CCDC102B: variants seen among roughly 807,000 people sequenced by gnomAD.
The protein encoded by CCDC102B is coiled-coil domain-containing protein 102B.
In CCDC102B, 75 loss-of-function variants were observed where a neutral mutation model predicts 57.4. That is an observed-to-expected ratio of 1.31 (90% CI 1.08 to 1.58). The LOEUF (loss-of-function observed/expected upper bound fraction) is 1.58, where lower values mean the gene tolerates loss of function less well. CCDC102B is among the 40% of genes most tolerant of loss of function. The probability of loss-of-function intolerance (pLI) is 0.00; values close to 1 mark genes in which losing one functional copy is unlikely to be tolerated. For missense variants in CCDC102B, 636 were observed against 582.6 expected, an observed-to-expected ratio of 1.09 and a Z score of -0.94; for synonymous variants, 206 against 201.9, an observed-to-expected ratio of 1.02 and a Z score of -0.17.
rs772772006 is a variant in CCDC102B at position 69,054,042 on chromosome 18, C to A, written c.1447C>A (p.Leu483Met). ...NQKEDELDDS[L>M]NQIRKLQRSL... Reference sequence around the variant, plus strand: ...ACTTCGCTTTCAGCTTGATGATTCCCTGAATCAGATCCGTAAGCTCCAGAG... The same window carrying A: ...ACTTCGCTTTCAGCTTGATGATTCCATGAATCAGATCCGTAAGCTCCAGAG... Residue 483 changes from leucine to methionine, a missense_variant, in exon 8 of 8, where the codon CTG (leucine) becomes ATG (methionine). Transcript: ENST00000360242. 2 of 1,602,584 alleles carry A rather than the reference C, an allele frequency of 1.2e-6. No homozygotes were observed. Among genetic ancestry groups the A allele is most frequent in the South Asian group, 2.2e-5 (2 of 89,218 alleles).
intron 6 of CCDC102B, among the ~76,000 whole-genome samples, chr18:68,973,613 G>A (rs1198070156): frequency 6.6e-6 from 1 of 152,056 alleles, no homozygotes; most frequent in Non-Finnish European, 1.5e-5. Context: ...TTAACAAGAG[G>A]TTGAATGCTA....
chr18:68,717,156 A>T (rs1020497671), intron 2 of CCDC102B, among the ~76,000 whole-genome samples: 11 of 151,812 alleles, frequency 7.2e-5, no homozygotes, highest in Admixed American at 5.9e-4. Flanking sequence ...AGGTGGGAGG[A>T]TAAGTTGGGC....
intron 7 of CCDC102B, among the ~76,000 whole-genome samples, chr18:69,052,904 G>A (rs2052744427): frequency 6.6e-6 from 1 of 151,638 alleles, no homozygotes; most frequent in African/African-American, 2.4e-5. Context: ...ACTGTATTAG[G>A]TATTATAAGT....
At position 69,011,361 on chromosome 18, in the gene CCDC102B, CAT is replaced by C. The variant is rs796824704; in HGVS notation, c.1434+258_1434+259del. ...CAGCATGACCTTGTGTGCACGTGCG[CAT>C]GTGTGTGTGTGTGTGTGTGTGTGTG... On this transcript the variant is annotated intron_variant, in intron 7 of 7. Coordinates refer to ENST00000360242, the MANE Select transcript of CCDC102B (RefSeq NM_024781.3). 27 of 305,770 alleles carry C rather than the reference CAT, an allele frequency of 8.8e-5. No homozygotes were observed. The South Asian group carries it at 2.4e-3, about 27-fold the overall frequency. The allele number at this position is 305,770 out of a possible 1,614,324, so 18.9% of individuals were successfully genotyped here. A position where few individuals can be genotyped will look rare whatever the true frequency, so the allele number is the denominator to read the frequency against.
intron 4 of CCDC102B, among the ~76,000 whole-genome samples, chr18:68,855,991 G>A (rs1261220074): frequency 6.6e-6 from 1 of 152,048 alleles, no homozygotes; most frequent in East Asian, 1.9e-4. Flanking sequence ...TCTCGTGTTT[G>A]GTAGAGAAGG....
chr18:68,815,028 AAGG>A (rs1260771803), intron 1 of CCDC102B, among the ~76,000 whole-genome samples: 1 of 152,190 alleles, frequency 6.6e-6, no homozygotes, highest in East Asian at 1.9e-4. Flanking sequence ...CTTGTAACAT[AAGG>A]AGTTCTTTAC....
intron 6 of CCDC102B, among the ~76,000 whole-genome samples, chr18:68,956,649 T>G (rs2049909047): frequency 7.6e-6 from 1 of 130,750 alleles, no homozygotes. Context: ...CATATAGCAG[T>G]GGGATTGCTG....
chr18:68,720,437 A>G (rs1238550205), intron 2 of CCDC102B, among the ~76,000 whole-genome samples: 1 of 152,218 alleles, frequency 6.6e-6, no homozygotes, highest in Admixed American at 6.5e-5. Context: ...AGTAATATAC[A>G]TATATGACTA....
intron 1 of CCDC102B, among the ~76,000 whole-genome samples, chr18:68,799,461 T>C (rs2035764914): frequency 6.6e-6 from 1 of 152,158 alleles, no homozygotes; most frequent in Admixed American, 6.6e-5. Flanking sequence ...AGGTAATTTA[T>C]GAATGTTTCA....
At chr18:68,911,417 G>A (rs1460883172) in intron 6 of CCDC102B, among the ~76,000 whole-genome samples, 1 of 152,072 alleles carries the variant, frequency 6.6e-6, no homozygotes, top group East Asian at 1.9e-4. Context: ...AAGAACAACA[G>A]ACACGGGGGT....
intron 6 of CCDC102B, among the ~76,000 whole-genome samples, chr18:68,930,260 A>G (rs977291086): frequency 1.3e-5 from 2 of 148,922 alleles, no homozygotes; most frequent in African/African-American, 4.9e-5. Context: ...AATTATATGC[A>G]TTATATATTA....
chr18:68,789,888 T>C (rs1365178548), intron 2 of CCDC102B, among the ~76,000 whole-genome samples: 1 of 152,076 alleles, frequency 6.6e-6, no homozygotes, highest in Non-Finnish European at 1.5e-5. Flanking sequence ...TGCGTTCCTT[T>C]GGAGGAGGAG....
chr18:68,826,439 G>C (rs946505640), intron 1 of CCDC102B, among the ~76,000 whole-genome samples: 6 of 152,144 alleles, frequency 3.9e-5, no homozygotes, highest in African/African-American at 1.2e-4. Flanking sequence ...CAAGAGAGAA[G>C]GCAATAAAAA....
At chr18:68,740,724 A>G (rs562333636) in intron 2 of CCDC102B, among the ~76,000 whole-genome samples, 60 of 152,318 alleles carry the variant, frequency 3.9e-4, no homozygotes, top group African/African-American at 1.4e-3. Context: ...CAACTGCCTC[A>G]AGCCTTTTCA....
Position 68,861,819 on chromosome 18 carries a change from A to G in CCDC102B, c.937-12850A>G, listed in dbSNP as rs144649436. Among the ~76,000 whole-genome samples the G allele has an allele frequency of 1.1e-3, 174 of 152,320 alleles. 1 individual carries two copies. The highest frequency in any genetic ancestry group is 4.1e-3 in the African/African-American group (171 of 41,558). On this transcript the variant is annotated intron_variant, in intron 4 of 7. Coordinates refer to ENST00000360242, the MANE Select transcript of CCDC102B (RefSeq NM_024781.3). The stretch of plus-strand genomic sequence containing the variant: ...TTGCTAGACATTTTATTTGAAGACT[A>G]TGACTAAGAAATAAAATTATTTGTT...
intron 2 of CCDC102B, among the ~76,000 whole-genome samples, chr18:68,741,380 T>G (rs2033373886): frequency 6.6e-6 from 1 of 152,084 alleles, no homozygotes; most frequent in South Asian, 2.1e-4. Context: ...AGCGACGGAT[T>G]ACATTTCCTC....
intron 6 of CCDC102B, among the ~76,000 whole-genome samples, chr18:68,957,967 G>A (rs760216317): frequency 3.9e-5 from 6 of 152,088 alleles, no homozygotes; most frequent in Admixed American, 6.6e-5. Context: ...ACCCAAGATG[G>A]GGCAATTTAC....
intron 7 of CCDC102B, among the ~76,000 whole-genome samples, chr18:69,020,829 G>A (rs2051812747): frequency 6.6e-6 from 1 of 152,056 alleles, no homozygotes; most frequent in African/African-American, 2.4e-5. Context: ...TTCTTATCAT[G>A]GTTTATATCT....
intron 6 of CCDC102B, among the ~76,000 whole-genome samples, chr18:68,957,462 A>T (rs1233604301): frequency 6.6e-6 from 1 of 150,718 alleles, no homozygotes; most frequent in Non-Finnish European, 1.5e-5. Flanking sequence ...AATTTGTTCC[A>T]TTGGTTTGTG....
Sources: allele counts gnomAD v4.1 joint callset (sites outside exome capture counted in the v4.1 genomes callset), GRCh38; gene constraint gnomAD v4.1.1; transcripts MANE v1.5; gene names NCBI Gene and HGNC (gene_info 2026-07-23, HGNC 2026-07-21).